RORA: variants seen among roughly 807,000 people sequenced by gnomAD.
The protein encoded by RORA is nuclear receptor ROR-alpha.
A neutral mutation model predicts 69.5 loss-of-function variants in RORA; 7 were observed. That is an observed-to-expected ratio of 0.10 (90% confidence interval 0.06 to 0.19). The LOEUF (loss-of-function observed/expected upper bound fraction) is 0.19. Ranked by LOEUF, RORA falls within the 10% of genes least tolerant of loss-of-function variation. The probability of loss-of-function intolerance (pLI) is 1.00; values close to 1 mark genes in which losing one functional copy is unlikely to be tolerated. For synonymous variants in RORA, 261 were observed against 240.8 expected, an observed-to-expected ratio of 1.08 and a Z score of -0.78; for missense variants, 457 against 663.0, an observed-to-expected ratio of 0.69 and a Z score of 3.41.
At chr15:61,215,982 A>C (rs1329474069) in intron 1 of RORA, among the ~76,000 whole-genome samples, 2 of 152,240 alleles carry the variant, frequency 1.3e-5, no homozygotes, top group African/African-American at 2.4e-5. Context: ...GAAATAAAAC[A>C]ACCTAATCAC....
rs531673471 is a variant in RORA at position 60,609,717 on chromosome 15, C to G, written c.196+68940G>C. On this transcript the variant is annotated intron_variant, in intron 2 of 10. Transcript: ENST00000335670. ...GATACACGAATCCTCATCCTATCAC[C>G]AAAGTGGTTGCCCAAAGAGGGGTCT... is the stretch of plus-strand genomic sequence containing the variant. Among the ~76,000 whole-genome samples, 3 of 152,304 alleles carry G rather than the reference C, an allele frequency of 2.0e-5. No homozygotes were observed. In the East Asian group the frequency reaches 5.8e-4, roughly 29 times the overall value.
At chr15:61,119,632 C>T (rs1885988293) in intron 1 of RORA, among the ~76,000 whole-genome samples, 2 of 152,006 alleles carry the variant, frequency 1.3e-5, no homozygotes, top group Middle Eastern at 3.2e-3. Flanking sequence ...AGGGCTTCCT[C>T]CAGTAGGGCT....
chr15:60,821,958 CTGAA>C (rs1345706257), intron 1 of RORA, among the ~76,000 whole-genome samples: 1 of 152,086 alleles, frequency 6.6e-6, no homozygotes, highest in African/African-American at 2.4e-5. Context: ...TCAAAGTTTG[CTGAA>C]TAAATAAAGG....
chr15:60,907,116 C>A (rs1891567014), intron 1 of RORA, among the ~76,000 whole-genome samples: 1 of 152,028 alleles, frequency 6.6e-6, no homozygotes, highest in Non-Finnish European at 1.5e-5. Context: ...CATCCTCAGC[C>A]CCCCACCAAC....
intron 2 of RORA, among the ~76,000 whole-genome samples, chr15:60,631,246 G>T (rs1322945112): frequency 6.6e-6 from 1 of 152,106 alleles, no homozygotes; most frequent in Non-Finnish European, 1.5e-5. Context: ...AGCCCATCTG[G>T]GGCTATGTGA....
intron 1 of RORA, among the ~76,000 whole-genome samples, chr15:61,097,893 A>T (rs977431083): frequency 6.6e-6 from 1 of 152,220 alleles, no homozygotes; most frequent in Non-Finnish European, 1.5e-5. Flanking sequence ...TTCACAGTTG[A>T]GAAAACTGAT....
chr15:60,965,576 C>T (rs1483435011), intron 1 of RORA, among the ~76,000 whole-genome samples: 2 of 152,144 alleles, frequency 1.3e-5, no homozygotes, highest in South Asian at 2.1e-4. Context: ...CAACACAAAG[C>T]CATTTTACAT....
At chr15:61,158,294 C>T (rs1436046028) in intron 1 of RORA, among the ~76,000 whole-genome samples, 1 of 152,168 alleles carries the variant, frequency 6.6e-6, no homozygotes, top group Non-Finnish European at 1.5e-5. Context: ...GAAGACCTGA[C>T]AGCCTTCTCC....
At chr15:60,707,553 T>G (rs937146874) in intron 1 of RORA, among the ~76,000 whole-genome samples, 1 of 151,744 alleles carries the variant, frequency 6.6e-6, no homozygotes, top group Non-Finnish European at 1.5e-5. Flanking sequence ...TTAGTAGAGA[T>G]GGGGTTTCAC....
intron 1 of RORA, among the ~76,000 whole-genome samples, chr15:60,948,327 A>T (rs1433131671): frequency 6.6e-6 from 1 of 152,232 alleles, no homozygotes; most frequent in African/African-American, 2.4e-5. Context: ...TGATGCAAAT[A>T]CAAGGCATCA....
At chr15:60,530,481 A>C (rs1022386695) in intron 3 of RORA, 1 of 152,036 alleles carries the variant, frequency 6.6e-6, no homozygotes, top group African/African-American at 2.4e-5. Context: ...TAATTTATTT[A>C]ATTAGTCAAC....
At chr15:60,529,121 G>A (rs771659362) in intron 3 of RORA, 4 of 152,226 alleles carry the variant, frequency 2.6e-5, no homozygotes, top group Non-Finnish European at 5.9e-5. Context: ...TATGGTGTCA[G>A]CTTGTTAATT....
At chr15:61,012,975 G>A (rs1895137326) in intron 1 of RORA, among the ~76,000 whole-genome samples, 1 of 152,134 alleles carries the variant, frequency 6.6e-6, no homozygotes, top group Non-Finnish European at 1.5e-5. Context: ...TGATTCATCT[G>A]CTCCCAATTT....
intron 1 of RORA, among the ~76,000 whole-genome samples, chr15:60,758,182 C>T (rs1403022681): frequency 6.6e-6 from 1 of 152,164 alleles, no homozygotes; most frequent in Non-Finnish European, 1.5e-5. Context: ...CTCTACCATC[C>T]AGCACAATGC....
At chr15:60,762,185 T>A (rs2071904408) in intron 1 of RORA, among the ~76,000 whole-genome samples, 1 of 152,206 alleles carries the variant, frequency 6.6e-6, no homozygotes. Context: ...TCCTTTTTGG[T>A]CTTCAACAAA....
chr15:60,498,252 G>A (rs112341395), intron 10 of RORA, among the ~76,000 whole-genome samples: 1 of 152,094 alleles, frequency 6.6e-6, no homozygotes, highest in Non-Finnish European at 1.5e-5. Context: ...GATGCCTTCT[G>A]CTCTACTTCC....
chr15:60,657,442 T>C (rs2070238781), intron 2 of RORA, among the ~76,000 whole-genome samples: 1 of 152,078 alleles, frequency 6.6e-6, no homozygotes, highest in South Asian at 2.1e-4. Context: ...AAAGCCAAGG[T>C]AAGTGGATTC....
At chr15:60,705,281 A>G (rs916359149) in intron 1 of RORA, among the ~76,000 whole-genome samples, 3 of 152,202 alleles carry the variant, frequency 2.0e-5, no homozygotes, top group East Asian at 1.9e-4. Context: ...TTTTTACACA[A>G]TGTGGAAAAT....
intron 1 of RORA, among the ~76,000 whole-genome samples, chr15:61,155,972 T>C (rs376578580): frequency 6.6e-6 from 1 of 152,190 alleles, no homozygotes; most frequent in East Asian, 1.9e-4. Flanking sequence ...GAAGACACCG[T>C]TGACGTCTCA....
Sources: gnomAD v4.1 joint callset for allele counts (sites outside exome capture counted in the v4.1 genomes callset) on GRCh38, gnomAD v4.1.1 for gene constraint, MANE v1.5 for transcripts, NCBI Gene and HGNC (gene_info 2026-07-23, HGNC 2026-07-21) for gene names.